The following IGF2BP2 variants were observed in gnomAD, a reference collection of about 807,000 sequenced individuals.
The protein encoded by IGF2BP2 is insulin-like growth factor 2 mRNA-binding protein 2.
A neutral mutation model predicts 75.8 loss-of-function variants in IGF2BP2; 17 were observed. The observed-to-expected ratio is 0.22, with a 90% confidence interval of 0.15 to 0.34. The LOEUF (loss-of-function observed/expected upper bound fraction) is 0.34. IGF2BP2 is among the 10% of genes least tolerant of loss of function. The probability of loss-of-function intolerance (pLI) is 1.00; values close to 1 mark genes in which losing one functional copy is unlikely to be tolerated. For missense variants in IGF2BP2, 516 were observed against 772.4 expected, an observed-to-expected ratio of 0.67 and a Z score of 3.93; for synonymous variants, 288 against 295.6, an observed-to-expected ratio of 0.97 and a Z score of 0.26.
chr3:185,759,172 A>G (rs1732022677), intron 2 of IGF2BP2, among the ~76,000 whole-genome samples: 1 of 152,236 alleles, frequency 6.6e-6, no homozygotes, highest in Admixed American at 6.5e-5. Flanking sequence ...GTTACTATGA[A>G]TAAGAGTGCC....
At chr3:185,687,284 G>C (rs1479182268) in intron 6 of IGF2BP2, 93 bp from the exon 7 acceptor site, 1 of 1,292,710 alleles carries the variant, frequency 7.7e-7, no homozygotes, top group Non-Finnish European at 1.1e-6. Context: ...GTACAGCAAG[G>C]ACACAGACAG....
chr3:185,716,058 CTGTTTT>C (rs1055716077), intron 2 of IGF2BP2, among the ~76,000 whole-genome samples: 1 of 152,104 alleles, frequency 6.6e-6, no homozygotes, highest in African/African-American at 2.4e-5. Flanking sequence ...TAATACTCTT[CTGTTTT>C]TAACAGGTAT....
chr3:185,754,052 T>A (rs572477283), intron 2 of IGF2BP2, among the ~76,000 whole-genome samples: 1 of 151,176 alleles, frequency 6.6e-6, no homozygotes, highest in Non-Finnish European at 1.5e-5. Context: ...AAAAAAAAAA[T>A]ACAAACATTA....
intron 9 of IGF2BP2, among the ~76,000 whole-genome samples, chr3:185,674,145 G>A (rs1308083074): frequency 6.6e-6 from 1 of 152,106 alleles, no homozygotes; most frequent in African/African-American, 2.4e-5. Context: ...CTGCAGTGAG[G>A]GACCTGGGTT....
chr3:185,770,349 T>C (rs1351200763), intron 2 of IGF2BP2, among the ~76,000 whole-genome samples: 1 of 151,948 alleles, frequency 6.6e-6, no homozygotes, highest in Non-Finnish European at 1.5e-5. Flanking sequence ...TCAAGGAAAA[T>C]GGGATGTGAT....
At chr3:185,820,235 T>TATAC (rs1297313532) in intron 2 of IGF2BP2, among the ~76,000 whole-genome samples, 7 of 102,762 alleles carry the variant, frequency 6.8e-5, no homozygotes, top group African/African-American at 2.2e-4. Context: ...TATATACACA[T>TATAC]ACACACACAC....
intron 10 of IGF2BP2, among the ~76,000 whole-genome samples, chr3:185,671,103 T>G (rs1246013009): frequency 6.6e-6 from 1 of 152,194 alleles, no homozygotes; most frequent in Non-Finnish European, 1.5e-5. Flanking sequence ...CAAGCTATTC[T>G]TACTGCTTGG....
In IGF2BP2 at chr3:185,743,778, C is replaced by A. The variant is rs188891754; in HGVS notation, c.240-45431G>T. 2.5e-3 allele frequency among the ~76,000 whole-genome samples: 381 copies of A among 152,286 alleles called. 2 individuals are homozygous for A. Among genetic ancestry groups the A allele is most frequent in the African/African-American group, 8.2e-3 (339 of 41,564 alleles). ...AAGACTAGATAATTCAATAACAAAG[C>A]AAACAAAAACTCCTGCTTGGAATTC... On this transcript the variant is annotated intron_variant, in intron 2 of 15. Transcript: ENST00000382199.
chr3:185,760,488 C>A (rs559912253), intron 2 of IGF2BP2, among the ~76,000 whole-genome samples: 3 of 152,316 alleles, frequency 2.0e-5, no homozygotes, highest in African/African-American at 4.8e-5. Context: ...CACTATTTAA[C>A]TTCTGAACAT....
intron 14 of IGF2BP2, among the ~76,000 whole-genome samples, chr3:185,648,778 A>T (rs373295705): frequency 1.3e-5 from 2 of 152,198 alleles, no homozygotes; most frequent in East Asian, 3.8e-4. Context: ...TTCCAGTAGA[A>T]AATGCAGATG....
chr3:185,773,017 T>C (rs1032529600), intron 2 of IGF2BP2, among the ~76,000 whole-genome samples: 2 of 152,192 alleles, frequency 1.3e-5, no homozygotes, highest in African/African-American at 2.4e-5. Context: ...CAAGGGAATA[T>C]AGAGGTGCTC....
intron 10 of IGF2BP2, among the ~76,000 whole-genome samples, chr3:185,667,873 C>A (rs184170315): frequency 6.6e-6 from 1 of 152,128 alleles, no homozygotes; most frequent in Non-Finnish European, 1.5e-5. Flanking sequence ...TGTCCAAATG[C>A]GCGTGCTCAC....
In IGF2BP2 at chr3:185,699,196, A is replaced by AAAT. The variant is rs202099518; in HGVS notation, c.240-852_240-850dup. On this transcript the variant is annotated intron_variant, in intron 2 of 15. Transcript: ENST00000382199. ...AAACCCAAGAAATCCCAACAAGCTAAAATAATAATAATAATAATAATTTAA... is the reference window on the plus strand; with the variant it reads ...AAACCCAAGAAATCCCAACAAGCTAAAATAATAATAATAATAATAATAATTTAA... Among the ~76,000 whole-genome samples, 638 of 152,206 alleles carry AAAT rather than the reference A, an allele frequency of 4.2e-3. 2 individuals carry two copies. The highest frequency in any genetic ancestry group is 0.014 in the African/African-American group (574 of 41,554).
rs115815340 is a variant in IGF2BP2, at chr3:185,751,093, C to T, written c.240-52746G>A. 2.1e-3 allele frequency among the ~76,000 whole-genome samples: 319 copies of T among 152,184 alleles called. 4 individuals are homozygous for T. Among genetic ancestry groups the T allele is most frequent in the African/African-American group, 7.4e-3 (306 of 41,526 alleles). On this transcript the variant is annotated intron_variant, in intron 2 of 15. Transcript: ENST00000382199. The stretch of plus-strand genomic sequence containing the variant: ...CTGGGCGTGATGGGGTGTGCCTGTA[C>T]TCCCAGCTACTAGGGAGGCCAAGGC...
At chr3:185,732,041 C>T (rs1401948554) in intron 2 of IGF2BP2, among the ~76,000 whole-genome samples, 1 of 152,168 alleles carries the variant, frequency 6.6e-6, no homozygotes, top group Admixed American at 6.5e-5. Flanking sequence ...CAGCTCCTGC[C>T]TCTAGTCTTG....
At chr3:185,671,844 T>C (rs1019581084) in intron 10 of IGF2BP2, among the ~76,000 whole-genome samples, 24 of 152,276 alleles carry the variant, frequency 1.6e-4, no homozygotes, top group African/African-American at 5.1e-4. Context: ...AGTTTGCTTT[T>C]AAAAATAAGC....
At position 185,811,869 on chromosome 3, in the gene IGF2BP2, TCTCTCTCTCC is replaced by T. The variant is rs1276080667; in HGVS notation, c.239+11274_239+11283del. Among the ~76,000 whole-genome samples, 254 of 53,964 alleles carry T rather than the reference TCTCTCTCTCC, an allele frequency of 4.7e-3. 7 individuals carry two copies. Among genetic ancestry groups the T allele is most frequent in the African/African-American group, 0.041 (116 of 2,832 alleles). 35.4% of individuals were successfully genotyped at this position (53,964 alleles called of 152,430 possible). ...CTCTCTCTCTCTCTCTCTCTCTCTC[TCTCTCTCTCC>T]CCCTCTCCCTGCCTGGGCATCAGAA... is the stretch of plus-strand genomic sequence containing the variant. On this transcript the variant is annotated intron_variant, in intron 2 of 15. Transcript: ENST00000382199.
Position 185,823,016 on chromosome 3 carries a change from A to G in IGF2BP2, c.239+137T>C, listed in dbSNP as rs969652385. ...AAAAAAAAAAAAAGTAGCTTTCTAA[A>G]CTATGTATCTCCACTAACAAAACAA... On this transcript the variant is annotated intron_variant, in intron 2 of 15. Coordinates refer to ENST00000382199, the MANE Select transcript of IGF2BP2 (RefSeq NM_006548.6). The G allele has an allele frequency of 7.5e-6, 4 of 535,706 alleles. No individual in the cohort carries two copies. In the Admixed American group the frequency reaches 1.2e-4, roughly 16 times the overall value. 33.2% of individuals were successfully genotyped at this position (535,706 alleles called of 1,614,324 possible). A position where few individuals can be genotyped will look rare whatever the true frequency, so the allele number is the denominator to read the frequency against.
intron 2 of IGF2BP2, among the ~76,000 whole-genome samples, chr3:185,769,665 C>T (rs1185501397): frequency 6.6e-6 from 1 of 151,616 alleles, no homozygotes; most frequent in South Asian, 2.1e-4. Flanking sequence ...TACCAAGATC[C>T]TATTTCTACA....
Sources: gnomAD v4.1 joint callset for allele counts (sites outside exome capture counted in the v4.1 genomes callset) on GRCh38, gnomAD v4.1.1 for gene constraint, MANE v1.5 for transcripts, NCBI Gene and HGNC (gene_info 2026-07-23, HGNC 2026-07-21) for gene names.